The following STT3B variants were observed in gnomAD, a reference collection of about 807,000 sequenced individuals.
STT3B encodes dolichyl-diphosphooligosaccharide--protein glycosyltransferase subunit STT3B.
STT3B carries 29 observed loss-of-function variants against 96.8 expected under a neutral mutation model. The ratio of observed to expected loss-of-function variants is 0.30; its 90% CI spans 0.22 to 0.41. The LOEUF is 0.41. Among genes scored for constraint, STT3B ranks in the 10% least tolerant of loss-of-function variants. The probability of loss-of-function intolerance (pLI) is 1.00; values close to 1 mark genes in which losing one functional copy is unlikely to be tolerated. For synonymous variants in STT3B, 367 were observed against 360.0 expected (o/e 1.02, Z -0.22); for missense variants, 640 against 1,022.3 (o/e 0.63, Z 5.10).
chr3:31,567,958 A>C (rs370556555), intron 1 of STT3B, among the ~76,000 whole-genome samples: 1 of 151,866 alleles, frequency 6.6e-6, no homozygotes, highest in East Asian at 1.9e-4. Flanking sequence ...ATTCATCCTA[A>C]GTATATTTTT....
intron 14 of STT3B, 147 bp from the exon 15 acceptor site, chr3:31,632,788 C>T (rs760298610): frequency 6.0e-5 from 39 of 645,052 alleles, no homozygotes; most frequent in African/African-American, 9.4e-5. Flanking sequence ...GTTAGCAATA[C>T]ATGAGAACTA....
At chr3:31,615,428 C>G (rs552175089) in intron 6 of STT3B, among the ~76,000 whole-genome samples, 32 of 151,834 alleles carry the variant, frequency 2.1e-4, no homozygotes, top group Non-Finnish European at 4.3e-4. Context: ...TTTGTAACAT[C>G]TGTACACTGA....
intron 3 of STT3B, among the ~76,000 whole-genome samples, chr3:31,596,488 G>A (rs1197059424): frequency 6.6e-6 from 1 of 152,046 alleles, no homozygotes; most frequent in East Asian, 1.9e-4. Flanking sequence ...CCTGTGGCAT[G>A]GTGTGTGGAT....
chr3:31,587,441 C>A (rs886878046), intron 3 of STT3B, among the ~76,000 whole-genome samples: 1 of 151,864 alleles, frequency 6.6e-6, no homozygotes, highest in Non-Finnish European at 1.5e-5. Flanking sequence ...ATGGGTTCTC[C>A]TTATATTGCT....
chr3:31,579,699 GC>G lies in STT3B; in HGVS notation c.424-109del, dbSNP rs150136057. ...AGAAGGCAAATTGTTTTGAGATGTT[GC>G]TTTCAAACTTATGTAAGGTAAACAA... On this transcript the variant is annotated intron_variant, in intron 2 of 15. Coordinates refer to ENST00000295770, the MANE Select transcript of STT3B (RefSeq NM_178862.3). 5,766 of 857,690 alleles carry G rather than the reference GC, an allele frequency of 6.7e-3. 210 individuals carry two copies. In the African/African-American group the frequency reaches 0.086, roughly 13 times the overall value. 53.1% of individuals were successfully genotyped at this position (857,690 alleles called of 1,614,324 possible).
intron 3 of STT3B, among the ~76,000 whole-genome samples, chr3:31,590,952 T>C (rs1698650894): frequency 6.6e-6 from 1 of 152,116 alleles, no homozygotes; most frequent in Admixed American, 6.6e-5. Context: ...AGAACATGTA[T>C]TCTGCTGTTT....
chr3:31,599,264 A>G (rs1295308653), intron 4 of STT3B, among the ~76,000 whole-genome samples: 2 of 152,140 alleles, frequency 1.3e-5, no homozygotes, highest in Non-Finnish European at 2.9e-5. Context: ...TTTTAAACAA[A>G]TGTCATGGAA....
intron 4 of STT3B, among the ~76,000 whole-genome samples, chr3:31,597,554 T>G (rs2125462097): frequency 6.6e-6 from 1 of 151,992 alleles, no homozygotes; most frequent in East Asian, 1.9e-4. Context: ...ATTCCTGGGC[T>G]TAAGTGATTC....
chr3:31,571,745 T>A (rs1698142419), intron 1 of STT3B, among the ~76,000 whole-genome samples: 1 of 151,958 alleles, frequency 6.6e-6, no homozygotes, highest in Non-Finnish European at 1.5e-5. Context: ...AGCCATGTAT[T>A]AGGCTCAGAT....
chr3:31,588,167 GC>G (rs1019661357), intron 3 of STT3B, among the ~76,000 whole-genome samples: 1 of 152,018 alleles, frequency 6.6e-6, no homozygotes, highest in African/African-American at 2.4e-5. Flanking sequence ...ACACAAGATG[GC>G]CCATGTTTGT....
intron 15 of STT3B, among the ~76,000 whole-genome samples, chr3:31,634,215 A>G (rs548990752): frequency 6.6e-6 from 1 of 152,322 alleles, no homozygotes; most frequent in East Asian, 1.9e-4. Flanking sequence ...AAAAAATCAG[A>G]TGATTGTCAC....
chr3:31,622,385 A>G (rs748595130), intron 10 of STT3B, 77 bp downstream of exon 10: 1 of 1,195,192 alleles, frequency 8.4e-7, no homozygotes, highest in Non-Finnish European at 1.2e-6. Context: ...AACTATACAT[A>G]TCAAGAAATG....
At chr3:31,543,197 A>T (rs902925469) in intron 1 of STT3B, among the ~76,000 whole-genome samples, 1 of 152,120 alleles carries the variant, frequency 6.6e-6, no homozygotes, top group African/African-American at 2.4e-5. Flanking sequence ...ACTAAATTTT[A>T]CTTAGGACTG....
chr3:31,561,197 C>T (rs1183291082), intron 1 of STT3B, among the ~76,000 whole-genome samples: 1 of 150,820 alleles, frequency 6.6e-6, no homozygotes, highest in Non-Finnish European at 1.5e-5. Context: ...CTCTTGTATC[C>T]TACTGAGTTT....
At chr3:31,561,153 T>C (rs1697868066) in intron 1 of STT3B, among the ~76,000 whole-genome samples, 1 of 152,038 alleles carries the variant, frequency 6.6e-6, no homozygotes, top group East Asian at 1.9e-4. Flanking sequence ...TCCTGAATTG[T>C]TTTTCTGATT....
In STT3B at chr3:31,581,289, T is replaced by TA. The variant is rs1296258172; in HGVS notation, c.711+1200dup. 5.3e-5 allele frequency among the ~76,000 whole-genome samples: 8 copies of TA among 152,192 alleles called. No homozygotes were observed. In the East Asian group the frequency reaches 1.5e-3, roughly 29 times the overall value. Reference sequence around the variant, plus strand: ...TTAAGGGAGCTTCACCTAGCTCAGCTAAAAAAATTTTAAATCAAATATTCT... The same window carrying TA: ...TTAAGGGAGCTTCACCTAGCTCAGCTAAAAAAAATTTTAAATCAAATATTCT... On this transcript the variant is annotated intron_variant, in intron 3 of 15. Coordinates refer to ENST00000295770, the MANE Select transcript of STT3B (RefSeq NM_178862.3).
rs191441856 is a variant in STT3B, at chr3:31,615,940, C to T, written c.976+737C>T. ...TGTACTTTTTGAGAATCCGTTTTTG[C>T]GACTACTCCTTTAGTTTTGTATATC... On this transcript the variant is annotated intron_variant, in intron 6 of 15. Coordinates refer to ENST00000295770, the MANE Select transcript of STT3B (RefSeq NM_178862.3). Among the ~76,000 whole-genome samples, 255 of 151,662 alleles carry T rather than the reference C, an allele frequency of 1.7e-3. 1 individual carries two copies. Among genetic ancestry groups the T allele is most frequent in the Non-Finnish European group, 2.8e-3 (191 of 67,742 alleles).
chr3:31,555,554 C>T (rs1697684164), intron 1 of STT3B, among the ~76,000 whole-genome samples: 1 of 152,104 alleles, frequency 6.6e-6, no homozygotes, highest in South Asian at 2.1e-4. Flanking sequence ...TGCTGGGAAA[C>T]TAAGTCACAT....
At chr3:31,596,646 T>C in intron 3 of STT3B, 152 bp from the exon 4 acceptor site, 1 of 608,412 alleles carries the variant, frequency 1.6e-6, no homozygotes. Context: ...TAAATGCATA[T>C]ATGAAGTATG....
Sources: allele counts gnomAD v4.1 joint callset (sites outside exome capture counted in the v4.1 genomes callset), GRCh38; gene constraint gnomAD v4.1.1; transcripts MANE v1.5; gene names NCBI Gene and HGNC (gene_info 2026-07-23, HGNC 2026-07-21).